Variants in PRR16 observed in about 807,000 individuals in gnomAD.
The protein encoded by PRR16 is protein Largen.
A neutral mutation model predicts 18.2 loss-of-function variants in PRR16; 6 were observed. That is an observed-to-expected ratio of 0.33 (90% CI 0.18 to 0.65). The LOEUF is 0.65. PRR16 is among the 30% of genes least tolerant of loss of function. PRR16 has a pLI of 0.74. For synonymous variants in PRR16, 151 were observed against 147.8 expected (o/e 1.02, Z -0.16); for missense variants, 412 against 376.6 (o/e 1.09, Z -0.78).
chr5:120,615,679 C>G (rs1220041856), intron 1 of PRR16, among the ~76,000 whole-genome samples: 2 of 151,734 alleles, frequency 1.3e-5, no homozygotes, highest in Non-Finnish European at 2.9e-5. Context: ...TTAAATAATG[C>G]CTGCATACTC....
intron 1 of PRR16, among the ~76,000 whole-genome samples, chr5:120,474,151 G>C (rs928438185): frequency 6.6e-6 from 1 of 152,162 alleles, no homozygotes; most frequent in Admixed American, 6.5e-5. Flanking sequence ...TAAGGATTTT[G>C]ATTCTTCCTT....
At chr5:120,635,398 G>A (rs187827880) in intron 1 of PRR16, among the ~76,000 whole-genome samples, 78 of 152,124 alleles carry the variant, frequency 5.1e-4, no homozygotes, top group African/African-American at 1.3e-3. Flanking sequence ...ATCCAACAGC[G>A]TATCAAAAAG....
At chr5:120,729,375 T>C in the PRR16 span, among the ~76,000 whole-genome samples, 5 of 152,018 alleles carry the variant, frequency 3.3e-5, no homozygotes, top group Non-Finnish European at 5.9e-5. Flanking sequence ...GGCAGAACAA[T>C]ACTTATTTCT....
At chr5:120,724,626 T>C in the PRR16 span, among the ~76,000 whole-genome samples, 3 of 152,092 alleles carry the variant, frequency 2.0e-5, no homozygotes, top group Non-Finnish European at 2.9e-5. Flanking sequence ...GTTTTGCCTG[T>C]TTAACTCTTT....
chr5:120,708,637 G>A, the PRR16 span, among the ~76,000 whole-genome samples: 3 of 152,216 alleles, frequency 2.0e-5, no homozygotes, highest in East Asian at 1.9e-4. Context: ...TGTACAAAGC[G>A]ATTATCAAAT....
At chr5:120,560,183 G>GTGGT in intron 1 of PRR16, among the ~76,000 whole-genome samples, 1 of 151,868 alleles carries the variant, frequency 6.6e-6, no homozygotes, top group African/African-American at 2.4e-5. Context: ...TTGAATAATG[G>GTGGT]TGGTGAATGT....
chr5:120,576,983 A>C (rs1753100248), intron 1 of PRR16, among the ~76,000 whole-genome samples: 1 of 151,798 alleles, frequency 6.6e-6, no homozygotes, highest in African/African-American at 2.4e-5. Context: ...TATAACATCC[A>C]TTTGTTCTAT....
chr5:120,629,993 A>T (rs540510817), intron 1 of PRR16, among the ~76,000 whole-genome samples: 210 of 152,028 alleles, frequency 1.4e-3, no homozygotes, highest in Admixed American at 3.5e-3. Flanking sequence ...ATTGGCCTTT[A>T]TGATGATCCG....
the PRR16 span, among the ~76,000 whole-genome samples, chr5:120,727,101 G>T: frequency 1.5e-4 from 23 of 151,920 alleles, no homozygotes; most frequent in African/African-American, 5.6e-4. Flanking sequence ...TCAACTTTCT[G>T]TCCCGAAATT....
chr5:120,684,854 C>T (rs567990330), intron 1 of PRR16, among the ~76,000 whole-genome samples: 3 of 152,184 alleles, frequency 2.0e-5, no homozygotes, highest in Non-Finnish European at 4.4e-5. Context: ...TCTTCACAAC[C>T]TCTCTCCTTA....
chr5:120,678,023 C>T (rs4895271), intron 1 of PRR16, among the ~76,000 whole-genome samples: 64,360 of 149,614 alleles, frequency 0.43, 14,702 homozygotes, highest in East Asian at 0.85. Flanking sequence ...CATTCTCCTG[C>T]CTCAGCCTCC....
At chr5:120,681,613 C>A (rs761214093) in intron 1 of PRR16, among the ~76,000 whole-genome samples, 1 of 152,128 alleles carries the variant, frequency 6.6e-6, no homozygotes, top group Non-Finnish European at 1.5e-5. Context: ...TGATTATTTA[C>A]CTTTCACTGA....
intron 1 of PRR16, among the ~76,000 whole-genome samples, chr5:120,534,525 T>C (rs190385088): frequency 1.3e-4 from 20 of 152,288 alleles, no homozygotes; most frequent in Admixed American, 3.9e-4. Context: ...TATATCATTT[T>C]ATAGATGGAA....
At chr5:120,530,755 A>C (rs140551502) in intron 1 of PRR16, among the ~76,000 whole-genome samples, 1 of 152,060 alleles carries the variant, frequency 6.6e-6, no homozygotes, top group Non-Finnish European at 1.5e-5. Flanking sequence ...AATTAGTTCA[A>C]AGGAGAAAGG....
In PRR16 at chr5:120,502,922, C is replaced by T. The variant is rs548946032; in HGVS notation, c.159+38277C>T. Among the ~76,000 whole-genome samples, 8 of 152,270 alleles carry T rather than the reference C, an allele frequency of 5.3e-5. No homozygotes were observed. In the East Asian group the frequency reaches 1.3e-3, roughly 26 times the overall value. Reference sequence around the variant, plus strand: ...AGGCAAATGAGCTCCTTTGGCCATTCAGAAACCTTCTCATATCATATAGCT... The same window carrying T: ...AGGCAAATGAGCTCCTTTGGCCATTTAGAAACCTTCTCATATCATATAGCT... On this transcript the variant is annotated intron_variant, in intron 1 of 1. Transcript: ENST00000407149.
chr5:120,490,374 G>C (rs6887703), intron 1 of PRR16, among the ~76,000 whole-genome samples: 141,850 of 152,184 alleles, frequency 0.93, 66,554 homozygotes, highest in East Asian at 1. Flanking sequence ...TTTCTCTAAA[G>C]TTCTCTTCTC....
chr5:120,526,492 A>G (rs1337244608), intron 1 of PRR16, among the ~76,000 whole-genome samples: 5 of 152,068 alleles, frequency 3.3e-5, no homozygotes, highest in African/African-American at 1.2e-4. Flanking sequence ...AACATGAATT[A>G]TTGCCGTTCC....
chr5:120,487,787 T>A (rs907408338), intron 1 of PRR16, among the ~76,000 whole-genome samples: 2 of 152,202 alleles, frequency 1.3e-5, no homozygotes, highest in African/African-American at 2.4e-5. Flanking sequence ...TGTGGGTTTG[T>A]CATAGATAGC....
chr5:120,624,087 T>C (rs1754783090), intron 1 of PRR16, among the ~76,000 whole-genome samples: 1 of 152,096 alleles, frequency 6.6e-6, no homozygotes, highest in African/African-American at 2.4e-5. Flanking sequence ...CACAGTGGGG[T>C]ATTTTTCCAC....
Sources: gnomAD v4.1 joint callset for allele counts (sites outside exome capture counted in the v4.1 genomes callset) on GRCh38, gnomAD v4.1.1 for gene constraint, MANE v1.5 for transcripts, NCBI Gene and HGNC (gene_info 2026-07-23, HGNC 2026-07-21) for gene names.